The following TNXB variants were observed in gnomAD, a reference collection of about 807,000 sequenced individuals.
The protein encoded by TNXB is tenascin-X.
A neutral mutation model predicts 340.5 loss-of-function variants in TNXB; 183 were observed. The observed-to-expected ratio is 0.54, with a 90% CI of 0.48 to 0.61. The LOEUF is 0.61. Ranked by LOEUF, TNXB falls within the 20% of genes least tolerant of loss-of-function variation. TNXB has a pLI of 0.00. For synonymous variants in TNXB, 2,121 were observed against 2,314.5 expected, an observed-to-expected ratio of 0.92 and a Z score of 2.40; for missense variants, 4,613 against 5,446.4, an observed-to-expected ratio of 0.85 and a Z score of 4.82.
chr6:32,053,831 A>G (rs1049380342), intron 24 of TNXB, 120 bp from the exon 25 acceptor site: 19 of 1,154,124 alleles, frequency 1.6e-5, no homozygotes, highest in Non-Finnish European at 2.3e-5. Flanking sequence ...CGCCTCCAGC[A>G]CAGCTCTTCA....
At chr6:32,107,846 G>A (rs917848220) in intron 1 of TNXB, among the ~76,000 whole-genome samples, 1 of 152,120 alleles carries the variant, frequency 6.6e-6, no homozygotes, top group South Asian at 2.1e-4. Context: ...GCAATGAGAG[G>A]TGAAGGTAGA....
At chr6:32,100,632 G>C (rs1780668042) in intron 1 of TNXB, among the ~76,000 whole-genome samples, 1 of 151,932 alleles carries the variant, frequency 6.6e-6, no homozygotes, top group South Asian at 2.1e-4. Flanking sequence ...GGGCTGAGGT[G>C]GGAGGATTAC....
chr6:32,061,055 G>A lies in TNXB; in HGVS notation c.7492+342C>T, dbSNP rs1281323291. On this transcript the variant is annotated intron_variant, in intron 21 of 43. Transcript: ENST00000644971. The surrounding 1 kb of genome is among the most constrained non-coding windows in gnomAD (Gnocchi z 4.4). ...GCCTAAATTATTTAGTCATCCCAAC[G>A]TGGTTTGACGTTGGATTGTTCCTCT... Among the ~76,000 whole-genome samples, 1 of 151,936 alleles carries A rather than the reference G, an allele frequency of 6.6e-6. No individual in the cohort carries two copies. The highest frequency in any genetic ancestry group is 1.5e-5 in the Non-Finnish European group (1 of 68,042).
At position 32,049,431 on chromosome 6, in the gene TNXB, T is replaced by C. The variant is rs748181095; in HGVS notation, c.9596A>G (p.Gln3199Arg). 3 of 1,612,628 alleles carry C rather than the reference T, an allele frequency of 1.9e-6. No individual in the cohort carries two copies. The East Asian group carries it at 6.7e-5, about 36-fold the overall frequency. ...PQGRFDSFTV[Q>R]YKDRDGQPQV... ...GGGCTGCCCGTCCCTGTCCTTGTAC[T>C]GCACGGTGAAGGAGTCGAAGCGGCC... Residue 3199 changes from glutamine to arginine, a missense_variant, in exon 28 of 44, where the codon CAG becomes CGG. Transcript: ENST00000644971. This position sits in a 1 kb window ranked among gnomAD's most constrained non-coding sequence, Gnocchi z 4.5.
intron 18 of TNXB, among the ~76,000 whole-genome samples, chr6:32,066,619 T>C (rs996885655): frequency 2.6e-5 from 4 of 152,212 alleles, no homozygotes; most frequent in African/African-American, 9.6e-5. Context: ...TAGGAATGGG[T>C]CTGGACCCAA....
At chr6:32,093,143 A>T in intron 4 of TNXB, 1 of 481,566 alleles carries the variant, frequency 2.1e-6, no homozygotes, top group African/African-American at 2.0e-5. Context: ...TTTCTTAAGA[A>T]ACTTCCTTTT....
intron 1 of TNXB, among the ~76,000 whole-genome samples, chr6:32,104,751 T>C (rs1484578501): frequency 2.6e-5 from 4 of 151,884 alleles, no homozygotes; most frequent in African/African-American, 7.3e-5. Context: ...TCCTCCCACC[T>C]CAGCCTCCTG....
intron 1 of TNXB, among the ~76,000 whole-genome samples, chr6:32,101,846 C>T (rs1780737342): frequency 1.3e-5 from 2 of 152,148 alleles, no homozygotes; most frequent in Non-Finnish European, 2.9e-5. Context: ...GCCTCAGCCT[C>T]CAGAGTAGCT....
At chr6:32,043,932 A>G (rs751667690) in intron 34 of TNXB, 40 bp from the exon 35 acceptor site, 1 of 1,613,066 alleles carries the variant, frequency 6.2e-7, no homozygotes, top group South Asian at 1.1e-5. Flanking sequence ...AGGGAACCCC[A>G]GGGCAGCTGG....
intron 1 of TNXB, among the ~76,000 whole-genome samples, chr6:32,102,936 A>C (rs192269322): frequency 2.6e-5 from 4 of 152,182 alleles, no homozygotes; most frequent in Admixed American, 6.5e-5. Context: ...AAACAAAAAA[A>C]CAAACAAAAA....
chr6:32,053,361 A>C, intron 25 of TNXB, 27 bp downstream of exon 25: 7 of 1,604,840 alleles, frequency 4.4e-6, no homozygotes, highest in Non-Finnish European at 6.0e-6. Context: ...CACAGGCCCC[A>C]CTCTGGGGCT....
In TNXB at chr6:32,079,460, G is replaced by A; in HGVS notation, c.4043-95C>T. On this transcript the variant is annotated intron_variant, in intron 10 of 43. Coordinates refer to ENST00000644971, the MANE Select transcript of TNXB (RefSeq NM_001365276.2). The surrounding 1 kb of genome is among the most constrained non-coding windows in gnomAD (Gnocchi z 7.1). ...AAATGCCCTTACGCTGTGGGCTCAG[G>A]GGCTCTGTAGCCTTTGTATTTGCCA... The A allele has an allele frequency of 9.8e-7, 1 of 1,025,386 alleles. No homozygotes were observed. Among genetic ancestry groups the A allele is most frequent in the South Asian group, 1.7e-5 (1 of 59,940 alleles). The allele number at this position is 1,025,386 out of a possible 1,614,324, so 63.5% of individuals were successfully genotyped here.
intron 25 of TNXB, 117 bp from the exon 26 acceptor site, chr6:32,053,110 G>A: frequency 4.1e-6 from 5 of 1,211,966 alleles, no homozygotes; most frequent in South Asian, 3.0e-5. Context: ...AGCTTGGAGA[G>A]GCCCATCTTT....
chr6:32,069,865 A>C lies in TNXB; in HGVS notation c.5279-4T>G. 1.3e-6 allele frequency: 2 copies of C among 1,580,000 alleles called. No individual in the cohort carries two copies. The highest frequency in any genetic ancestry group is 1.7e-6 in the Non-Finnish European group (2 of 1,160,248). On this transcript the variant is annotated splice_polypyrimidine_tract_variant and splice_region_variant and intron_variant, in intron 14 of 43. Coordinates refer to ENST00000644971, the MANE Select transcript of TNXB (RefSeq NM_001365276.2). This position sits in a 1 kb window ranked among gnomAD's most constrained non-coding sequence, Gnocchi z 6.2. ...TCATCCATAGCACTCCGGGCTTCTG[A>C]GATGGAGACACGGAGAGGAAACGGC...
Position 32,073,630 on chromosome 6 carries a change from G to C in TNXB, c.4681+17C>G. The C allele has an allele frequency of 6.3e-7, 1 of 1,598,996 alleles. No individual in the cohort carries two copies. Among genetic ancestry groups the C allele is most frequent in the Non-Finnish European group, 8.5e-7 (1 of 1,171,766 alleles). Reference sequence around the variant, plus strand: ...CTGGGTAACCAGAGATGAGGACTGAGTCCCCCCATTACTCACCCGTCACGA... The same window carrying C: ...CTGGGTAACCAGAGATGAGGACTGACTCCCCCCATTACTCACCCGTCACGA... On this transcript the variant is annotated intron_variant, in intron 12 of 43. Transcript: ENST00000644971. This position sits in a 1 kb window ranked among gnomAD's most constrained non-coding sequence, Gnocchi z 4.6.
chr6:32,101,018 C>G (rs1278729634), intron 1 of TNXB, among the ~76,000 whole-genome samples: 1 of 125,122 alleles, frequency 8.0e-6, no homozygotes, highest in African/African-American at 3.1e-5. Flanking sequence ...GCGGAGGTTG[C>G]AGTGAGCTGA....
At position 32,055,942 on chromosome 6, in the gene TNXB, C is replaced by T; in HGVS notation, c.8376G>A (p.Gly2792=). The change falls in exon 24 of 44, where the codon GGG becomes GGA. Residue 2792 remains glycine (G), a synonymous_variant. Coordinates refer to ENST00000644971, the MANE Select transcript of TNXB (RefSeq NM_001365276.2). ...VRGEESEVTV[G]GLEPGRKYKM... Reference sequence around the variant, plus strand: ...TGTATTTGCGCCCGGGCTCCAGGCCCCCCACGGTGACCTCGCTCTCCTCGC... The same window carrying T: ...TGTATTTGCGCCCGGGCTCCAGGCCTCCCACGGTGACCTCGCTCTCCTCGC... 1.9e-6 allele frequency: 3 copies of T among 1,613,460 alleles called. No individual in the cohort carries two copies. Among genetic ancestry groups the T allele is most frequent in the South Asian group, 2.2e-5 (2 of 91,076 alleles).
At chr6:32,050,955 G>A (rs1188576790) in intron 26 of TNXB, among the ~76,000 whole-genome samples, 2 of 152,156 alleles carry the variant, frequency 1.3e-5, no homozygotes, top group African/African-American at 4.8e-5. Context: ...GGCCATCTCA[G>A]CACAGACCTG....
chr6:32,101,934 G>A (rs1180508063), intron 1 of TNXB, among the ~76,000 whole-genome samples: 1 of 151,998 alleles, frequency 6.6e-6, no homozygotes, highest in East Asian at 1.9e-4. Context: ...GTGTTGCCCA[G>A]GCTGGCCTTG....
Sources: allele counts gnomAD v4.1 joint callset (sites outside exome capture counted in the v4.1 genomes callset), GRCh38; gene constraint gnomAD v4.1.1; non-coding constraint Gnocchi (gnomAD v3.1); transcripts MANE v1.5; gene names NCBI Gene and HGNC (gene_info 2026-07-23, HGNC 2026-07-21).